Variants in VCL observed in about 807,000 individuals in gnomAD.
VCL encodes vinculin.
A neutral mutation model predicts 125.7 loss-of-function variants in VCL; 47 were observed. The observed-to-expected ratio is 0.37, with a 90% CI of 0.30 to 0.48. The LOEUF is 0.48. Ranked by LOEUF, VCL falls within the 20% of genes least tolerant of loss-of-function variation. The pLI is 0.99. For synonymous variants in VCL, 458 were observed against 514.6 expected, an observed-to-expected ratio of 0.89 and a Z score of 1.49; for missense variants, 1,069 against 1,455.5, an observed-to-expected ratio of 0.73 and a Z score of 4.32.
intron 1 of VCL, among the ~76,000 whole-genome samples, chr10:74,020,860 A>C (rs957390229): frequency 2.6e-5 from 4 of 150,980 alleles, no homozygotes; most frequent in Non-Finnish European, 5.9e-5. Context: ...AAAAAAAAAA[A>C]AGAGAGCGAG....
In VCL at chr10:74,054,388, A is replaced by G. The variant is rs553065417; in HGVS notation, c.239+11235A>G. Among the ~76,000 whole-genome samples the G allele has an allele frequency of 2.6e-5, 4 of 152,286 alleles. No homozygotes were observed. In the East Asian group the frequency reaches 7.7e-4, roughly 29 times the overall value. On this transcript the variant is annotated intron_variant, in intron 2 of 21. Coordinates refer to ENST00000211998, the MANE Select transcript of VCL (RefSeq NM_014000.3). ...TATTTGTTGCTAATTATCTTTTTTT[A>G]GAATGACTGTTGATAGACGTTAGCC...
intron 2 of VCL, among the ~76,000 whole-genome samples, chr10:74,043,826 G>A (rs769319471): frequency 2.6e-5 from 4 of 151,908 alleles, no homozygotes; most frequent in Non-Finnish European, 5.9e-5. Flanking sequence ...TTATTGTTTT[G>A]GCCGGGCGTG....
Position 74,097,277 on chromosome 10 carries a change from T to C in VCL, c.1817T>C (p.Ile606Thr). 6.2e-7 allele frequency: 1 copy of C among 1,614,078 alleles called. No homozygotes were observed. The highest frequency in any genetic ancestry group is 8.5e-7 in the Non-Finnish European group (1 of 1,179,970). Residue 606 changes from isoleucine to threonine, a missense_variant, in exon 13 of 22, where the codon ATC becomes ACC. By Grantham distance (89) the Ile-to-Thr change is moderately conservative (BLOSUM62 -1). Around this residue, in one of 6 missense-constraint regions of VCL, gnomAD observed 760 missense variants for 928.9 expected, o/e 0.82. Coordinates refer to ENST00000211998, the MANE Select transcript of VCL (RefSeq NM_014000.3). The surrounding 1 kb of genome is among the most constrained non-coding windows in gnomAD (Gnocchi z 4.1). ...GTTTTCAGCGATACCACAACTCCCA[T>C]CAAGCTGTTGGCAGTGGCAGCCACG... is the stretch of plus-strand genomic sequence containing the variant. ...SDVFSDTTTPIKLLAVAATAP... is the reference protein window; with the variant it reads ...SDVFSDTTTPTKLLAVAATAP...
intron 1 of VCL, among the ~76,000 whole-genome samples, chr10:74,033,918 T>G (rs1840928225): frequency 6.6e-6 from 1 of 152,182 alleles, no homozygotes; most frequent in Non-Finnish European, 1.5e-5. Context: ...GCTGCCTTTT[T>G]TACACCTGCC....
At chr10:74,031,876 C>T (rs1447487272) in intron 1 of VCL, among the ~76,000 whole-genome samples, 1 of 151,752 alleles carries the variant, frequency 6.6e-6, no homozygotes, top group Non-Finnish European at 1.5e-5. Context: ...ACCAGCCTGA[C>T]CAACGTGGAG....
At chr10:74,078,836 A>T (rs1839634074) in intron 6 of VCL, among the ~76,000 whole-genome samples, 1 of 152,204 alleles carries the variant, frequency 6.6e-6, no homozygotes, top group African/African-American at 2.4e-5. Flanking sequence ...CTGGTTTAAA[A>T]CATTGACTTG....
intron 19 of VCL, among the ~76,000 whole-genome samples, chr10:74,113,116 C>A (rs1343083960): frequency 6.6e-6 from 1 of 152,170 alleles, no homozygotes; most frequent in Admixed American, 6.5e-5. Context: ...TTTGTGTATG[C>A]CTCACTGCAC....
chr10:74,071,819 C>T lies in VCL; in HGVS notation c.499+736C>T, dbSNP rs532272449. Among the ~76,000 whole-genome samples, 6 of 152,258 alleles carry T rather than the reference C, an allele frequency of 3.9e-5. No individual in the cohort carries two copies. Among genetic ancestry groups the T allele is most frequent in the Middle Eastern group, 3.4e-3 (1 of 294 alleles). On this transcript the variant is annotated intron_variant, in intron 4 of 21. Coordinates refer to ENST00000211998, the MANE Select transcript of VCL (RefSeq NM_014000.3). This position sits in a 1 kb window ranked among gnomAD's most constrained non-coding sequence, Gnocchi z 4.1. ...GTTCCAGTGTAGGTGTTCTGTAAAACTTAATGGCAGTTAAGAATTTGAGCC... is the reference window on the plus strand; with the variant it reads ...GTTCCAGTGTAGGTGTTCTGTAAAATTTAATGGCAGTTAAGAATTTGAGCC...
At chr10:74,073,578 C>T (rs1159399816) in intron 5 of VCL, among the ~76,000 whole-genome samples, 1 of 152,116 alleles carries the variant, frequency 6.6e-6, no homozygotes, top group African/African-American at 2.4e-5. Flanking sequence ...GAACTCAGAG[C>T]CCTTTTTAGT....
At chr10:74,085,310 G>C (rs879232117) in intron 8 of VCL, among the ~76,000 whole-genome samples, 2 of 152,170 alleles carry the variant, frequency 1.3e-5, no homozygotes, top group Non-Finnish European at 2.9e-5. Flanking sequence ...AAATAAAGGG[G>C]CAGTGGTGAA....
chr10:74,021,823 C>G (rs1840673407), intron 1 of VCL, among the ~76,000 whole-genome samples: 1 of 152,170 alleles, frequency 6.6e-6, no homozygotes, highest in African/African-American at 2.4e-5. Context: ...GATAAATAAA[C>G]CATTCCTCTT....
chr10:74,066,061 ATTTT>A (rs954704183), intron 2 of VCL, among the ~76,000 whole-genome samples: 10 of 137,472 alleles, frequency 7.3e-5, no homozygotes, highest in East Asian at 2.1e-4. Context: ...ATATATATAT[ATTTT>A]TTTTTTTTTT....
intron 1 of VCL, among the ~76,000 whole-genome samples, chr10:74,019,837 C>T (rs543059539): frequency 6.6e-6 from 1 of 152,192 alleles, no homozygotes; most frequent in Admixed American, 6.5e-5. Context: ...TTGAGATGGT[C>T]AGATCACCTG....
At chr10:74,078,118 G>C (rs1839620666) in intron 6 of VCL, among the ~76,000 whole-genome samples, 1 of 151,994 alleles carries the variant, frequency 6.6e-6, no homozygotes, top group African/African-American at 2.4e-5. Context: ...TGAGAATTAA[G>C]AGGAAGTGAG....
chr10:74,093,662 G>A (rs546455584), intron 10 of VCL, among the ~76,000 whole-genome samples: 103 of 152,006 alleles, frequency 6.8e-4, no homozygotes, highest in African/African-American at 2.4e-3. Flanking sequence ...AGCCAGGTGT[G>A]GTGGTGCATA....
intron 1 of VCL, chr10:74,004,996 C>T (rs1173815932): frequency 3.9e-5 from 6 of 152,112 alleles, no homozygotes; most frequent in African/African-American, 9.7e-5. Context: ...TGAGCCACCA[C>T]GCCTGATCCA....
intron 1 of VCL, among the ~76,000 whole-genome samples, chr10:74,015,054 A>G (rs61106387): frequency 6.6e-6 from 1 of 152,282 alleles, no homozygotes; most frequent in African/African-American, 2.4e-5. Flanking sequence ...TCTTGTCTGA[A>G]AAAAGGGATA....
At chr10:74,117,931 G>C in intron 21 of VCL, 92 bp from the exon 22 acceptor site, 1 of 1,550,928 alleles carries the variant, frequency 6.4e-7, no homozygotes, top group Non-Finnish European at 8.9e-7. Flanking sequence ...TACCAGTGGG[G>C]TTAGCTGCAT....
chr10:74,073,021 A>G (rs1269513897), intron 5 of VCL, among the ~76,000 whole-genome samples, 169 bp downstream of exon 5: 2 of 151,106 alleles, frequency 1.3e-5, no homozygotes, highest in African/African-American at 2.4e-5. Context: ...GCTCACTGCA[A>G]CCTCTGCCTC....
Sources: gnomAD v4.1 joint callset for allele counts (sites outside exome capture counted in the v4.1 genomes callset) on GRCh38, gnomAD v4.1.1 for gene constraint, gnomAD v4.1.1 regional missense constraint, Gnocchi (gnomAD v3.1) non-coding constraint, MANE v1.5 for transcripts, NCBI Gene and HGNC (gene_info 2026-07-23, HGNC 2026-07-21) for gene names.